PCDH15: variants seen among roughly 807,000 people sequenced by gnomAD.
PCDH15 encodes protocadherin related 15.
PCDH15 carries 129 observed loss-of-function variants against 178.5 expected under a neutral mutation model. The observed-to-expected ratio is 0.72, with a 90% CI of 0.63 to 0.84. The LOEUF (loss-of-function observed/expected upper bound fraction) is 0.84, where lower values mean the gene tolerates loss of function less well. Among genes scored for constraint, PCDH15 ranks in the 40% least tolerant of loss-of-function variants. PCDH15 has a pLI of 0.00. For missense variants in PCDH15, 2,230 were observed against 2,099.9 expected, an observed-to-expected ratio of 1.06 and a Z score of -1.21; for synonymous variants, 800 against 732.0, an observed-to-expected ratio of 1.09 and a Z score of -1.50.
chr10:54,903,110 A>G (rs1954664240), intron 2 of PCDH15, among the ~76,000 whole-genome samples: 1 of 152,154 alleles, frequency 6.6e-6, no homozygotes, highest in South Asian at 2.1e-4. Context: ...AAATGCAGAA[A>G]AGAGTGTCCT....
intron 2 of PCDH15, among the ~76,000 whole-genome samples, chr10:54,636,343 T>C (rs1590729490): frequency 3.3e-5 from 5 of 152,012 alleles, no homozygotes; most frequent in Admixed American, 3.3e-4. Context: ...CCCATTCCCC[T>C]GTCTCTTTAC....
chr10:54,243,127 G>C (rs11004161), intron 8 of PCDH15, among the ~76,000 whole-genome samples: 8,327 of 152,130 alleles, frequency 0.055, 567 homozygotes, highest in African/African-American at 0.17. Context: ...CACTAATTTT[G>C]TGTGTTCTTT....
intron 2 of PCDH15, among the ~76,000 whole-genome samples, chr10:54,586,799 T>C (rs1329165895): frequency 1.3e-5 from 2 of 152,098 alleles, no homozygotes; most frequent in Admixed American, 6.6e-5. Flanking sequence ...TGGACGGATG[T>C]GCCATAGTTT....
intron 21 of PCDH15, among the ~76,000 whole-genome samples, chr10:53,964,435 T>TTTTTATAAATTTTATTTATTCATAAAAA (rs2088753693): frequency 1.5e-5 from 2 of 132,180 alleles, no homozygotes; most frequent in South Asian, 4.3e-4. Context: ...ATTCATAAAA[T>TTTTTATAAATTTTATTTATTCATAAAAA]TTTTATAAAA....
intron 18 of PCDH15, among the ~76,000 whole-genome samples, chr10:54,063,925 T>C (rs1470421394): frequency 6.6e-6 from 1 of 152,222 alleles, no homozygotes; most frequent in Admixed American, 6.5e-5. Context: ...AACTCTTCTC[T>C]CCTTTTTGTT....
chr10:54,689,724 G>GACAT (rs2095081625), intron 1 of PCDH15, among the ~76,000 whole-genome samples: 1 of 152,176 alleles, frequency 6.6e-6, no homozygotes. Flanking sequence ...AGGCAGTGAA[G>GACAT]ACATGATCTT....
chr10:54,888,672 G>A (rs1208566980), intron 3 of PCDH15, among the ~76,000 whole-genome samples: 1 of 151,516 alleles, frequency 6.6e-6, no homozygotes, highest in African/African-American at 2.4e-5. Context: ...TCTAATAGAT[G>A]TGTGGTGGTA....
chr10:54,830,053 C>A (rs953588638), intron 3 of PCDH15, among the ~76,000 whole-genome samples: 3 of 151,972 alleles, frequency 2.0e-5, no homozygotes, highest in Admixed American at 6.6e-5. Context: ...AATTCTATTA[C>A]CTCAACATTG....
At chr10:54,319,798 C>T (rs2061485549) in intron 7 of PCDH15, among the ~76,000 whole-genome samples, 1 of 150,714 alleles carries the variant, frequency 6.6e-6, no homozygotes, top group South Asian at 2.1e-4. Context: ...AAAAAAAAGT[C>T]CCTCTTGTTA....
chr10:54,788,048 C>T (rs1555196482), intron 1 of PCDH15, among the ~76,000 whole-genome samples: 1 of 151,060 alleles, frequency 6.6e-6, no homozygotes, highest in Admixed American at 6.6e-5. Context: ...AGGGGAGAAA[C>T]AAAAAATAGG....
chr10:54,882,798 T>A (rs927738320), intron 3 of PCDH15, among the ~76,000 whole-genome samples: 10 of 151,990 alleles, frequency 6.6e-5, no homozygotes, highest in Non-Finnish European at 1.3e-4. Flanking sequence ...AACCCAAAGA[T>A]CTCTTGGTAC....
In PCDH15 at chr10:54,912,229, T is replaced by C. The variant is rs12569653; in HGVS notation, c.-79-14729A>G. Among the ~76,000 whole-genome samples the C allele has an allele frequency of 2.5e-3, 388 of 152,212 alleles. 16 individuals are homozygous for C. In the East Asian group the frequency reaches 0.069, roughly 27 times the overall value. ...AAGTTTAATAAGTATTTACCAGTAA[T>C]ATGAAATTAAAAATTTTATATGGCT... On this transcript the variant is annotated intron_variant, in intron 2 of 5. Transcript: ENST00000458638.
intron 2 of PCDH15, among the ~76,000 whole-genome samples, chr10:55,508,244 C>A (rs1840803776): frequency 6.6e-6 from 1 of 151,614 alleles, no homozygotes; most frequent in South Asian, 2.1e-4. Flanking sequence ...ACTGTGCTAT[C>A]CTTTGGTTCA....
intron 2 of PCDH15, among the ~76,000 whole-genome samples, chr10:54,958,161 C>T (rs374305618): frequency 5.9e-5 from 9 of 151,922 alleles, no homozygotes; most frequent in African/African-American, 2.2e-4. Flanking sequence ...AAATTCAAAA[C>T]CACCTCTTTT....
In PCDH15 at chr10:54,537,209, C is replaced by T. The variant is rs532666301; in HGVS notation, c.92-9332G>A. Among the ~76,000 whole-genome samples, 15 of 152,056 alleles carry T rather than the reference C, an allele frequency of 9.9e-5. No homozygotes were observed. In the East Asian group the frequency reaches 2.5e-3, roughly 26 times the overall value. ...AGAGACGGGGTTTCACCGTGTTAGC[C>T]AGGATGGTCGCGATCTCCTGACCTT... On this transcript the variant is annotated intron_variant, in intron 2 of 37. Coordinates refer to ENST00000644397, the MANE Select transcript of PCDH15 (RefSeq NM_001384140.1).
rs537522138 is a variant in PCDH15 at position 54,146,127 on chromosome 10, A to G, written c.1784+6973T>C. 2.9e-5 allele frequency among the ~76,000 whole-genome samples: 4 copies of G among 140,198 alleles called. No individual in the cohort carries two copies. The South Asian group carries it at 9.4e-4, about 33-fold the overall frequency. The allele number at this position is 140,198 out of a possible 152,430, so 92.0% of individuals were successfully genotyped here. A position where few individuals can be genotyped will look rare whatever the true frequency, so the allele number is the denominator to read the frequency against. ...CAATTTTTATAAAAATAAATGAATA[A>G]ATAAATAGCCTCATCATTTTTTACT... On this transcript the variant is annotated intron_variant, in intron 14 of 37. Coordinates refer to ENST00000644397, the MANE Select transcript of PCDH15 (RefSeq NM_001384140.1).
chr10:54,988,366 G>A (rs1839421353), intron 2 of PCDH15, among the ~76,000 whole-genome samples: 1 of 152,154 alleles, frequency 6.6e-6, no homozygotes, highest in Non-Finnish European at 1.5e-5. Context: ...AGTGACTTTG[G>A]AACTGGGTAA....
rs59787759 is a variant in PCDH15 at position 55,467,373 on chromosome 10, C to CTTTTTTTTTTTTTTTT, written c.-156+160236_-156+160251dup. ...AAAGAAAAGCCTGATCTTGGCCTGA[C>CTTTTTTTTTTTTTTTT]TTTTTTTTTTTTTTTTTTTTAACTA... On this transcript the variant is annotated intron_variant, in intron 2 of 5. Coordinates refer to the PCDH15 transcript ENST00000613346. Among the ~76,000 whole-genome samples, 2 of 87,770 alleles carry CTTTTTTTTTTTTTTTT rather than the reference C, an allele frequency of 2.3e-5. 1 individual carries two copies. 57.6% of individuals were successfully genotyped at this position (87,770 alleles called of 152,430 possible).
chr10:53,819,516 G>T (rs2076180117), intron 33 of PCDH15, among the ~76,000 whole-genome samples: 1 of 151,778 alleles, frequency 6.6e-6, no homozygotes. Flanking sequence ...TAATATCGAT[G>T]CACCTCTTTA....
Sources: gnomAD v4.1 joint callset for allele counts (sites outside exome capture counted in the v4.1 genomes callset) on GRCh38, gnomAD v4.1.1 for gene constraint, MANE v1.5 for transcripts, NCBI Gene and HGNC (gene_info 2026-07-23, HGNC 2026-07-21) for gene names.